Variants in COMMD10 observed in about 807,000 individuals in gnomAD.
COMMD10 encodes COMM domain-containing protein 10.
Under a neutral mutation model 28.9 loss-of-function variants are expected in COMMD10, and 33 were observed. That is an observed-to-expected ratio of 1.14 (90% CI 0.87 to 1.53). The LOEUF (loss-of-function observed/expected upper bound fraction) is 1.53. COMMD10 is among the 40% of genes most tolerant of loss of function. The probability of loss-of-function intolerance (pLI) is 0.00; values close to 1 mark genes in which losing one functional copy is unlikely to be tolerated. For synonymous variants in COMMD10, 110 were observed against 81.7 expected, an observed-to-expected ratio of 1.35 and a Z score of -1.87; for missense variants, 310 against 233.4, an observed-to-expected ratio of 1.33 and a Z score of -2.14.
chr5:116,218,199 C>T (rs1458968950), intron 5 of COMMD10: 4 of 780,906 alleles, frequency 5.1e-6, no homozygotes, highest in Middle Eastern at 2.3e-4. Flanking sequence ...TTTGGAGAAG[C>T]AGGTTTAGCG....
Position 116,238,171 on chromosome 5 carries a change from C to G in COMMD10, c.511-53346C>G, listed in dbSNP as rs150338580. Among the ~76,000 whole-genome samples the G allele has an allele frequency of 8.0e-3, 1,222 of 152,270 alleles. 22 individuals carry two copies. Among genetic ancestry groups the G allele is most frequent in the African/African-American group, 0.028 (1,146 of 41,550 alleles). ...CTACTTCCTGGAAGAAACAATGCTT[C>G]TCAGCAAGATATTTCTTAAAATACC... On this transcript the variant is annotated intron_variant, in intron 5 of 6. Coordinates refer to ENST00000274458, the MANE Select transcript of COMMD10 (RefSeq NM_016144.4).
At position 116,293,035 on chromosome 5, in the gene COMMD10, A is replaced by T. The variant is rs1330324726; in HGVS notation, c.*546A>T. 2 of 397,292 alleles carry T rather than the reference A, an allele frequency of 5.0e-6. No homozygotes were observed. Among genetic ancestry groups the T allele is most frequent in the Non-Finnish European group, 8.9e-6 (2 of 225,274 alleles). The allele number at this position is 397,292 out of a possible 1,614,324, so 24.6% of individuals were successfully genotyped here. On this transcript the variant is annotated 3_prime_UTR_variant, in exon 7 of 7. Coordinates refer to ENST00000274458, the MANE Select transcript of COMMD10 (RefSeq NM_016144.4). ...GAGTAGTATGGTATCAGTTAATTCC[A>T]GTCTGAGCTTCTCTGTCAACTTCAG...
intron 5 of COMMD10, among the ~76,000 whole-genome samples, chr5:116,141,113 G>C (rs1249961019): frequency 6.6e-6 from 1 of 151,456 alleles, no homozygotes; most frequent in African/African-American, 2.4e-5. Flanking sequence ...TTTGTGTATG[G>C]TGTAAAGGTC....
At chr5:116,291,456 G>C in intron 5 of COMMD10, 61 bp from the exon 6 acceptor site, 1 of 1,187,678 alleles carries the variant, frequency 8.4e-7, no homozygotes. Flanking sequence ...TAGCTGGAGA[G>C]AAAAAATGTG....
intron 1 of COMMD10, chr5:116,085,522 G>A (rs933267691): frequency 5.5e-6 from 1 of 181,588 alleles, no homozygotes; most frequent in African/African-American, 2.4e-5. Flanking sequence ...GTCTTTAATA[G>A]CCAACATGTG....
Position 116,172,925 on chromosome 5 carries a change from A to C in COMMD10, c.510+38747A>C, listed in dbSNP as rs547745245. Among the ~76,000 whole-genome samples, 6 of 152,236 alleles carry C rather than the reference A, an allele frequency of 3.9e-5. No homozygotes were observed. In the East Asian group the frequency reaches 1.2e-3, roughly 30 times the overall value. ...ACAATATGAGAGGATGTCTTTAATA[A>C]TTTTATGTAACACAATCAGATCTTT... On this transcript the variant is annotated intron_variant, in intron 5 of 6. Transcript: ENST00000274458.
intron 5 of COMMD10, among the ~76,000 whole-genome samples, chr5:116,284,907 A>G (rs1751177890): frequency 6.6e-6 from 1 of 151,950 alleles, no homozygotes; most frequent in Non-Finnish European, 1.5e-5. Flanking sequence ...CATTTCATAT[A>G]TCTTTGTTGG....
chr5:116,146,193 T>A (rs879909011), intron 5 of COMMD10, among the ~76,000 whole-genome samples: 1 of 151,874 alleles, frequency 6.6e-6, no homozygotes. Context: ...TGGAAACAAG[T>A]GGTCTAATTA....
intron 5 of COMMD10, among the ~76,000 whole-genome samples, chr5:116,179,866 A>G (rs927200580): frequency 6.6e-6 from 1 of 152,066 alleles, no homozygotes; most frequent in Non-Finnish European, 1.5e-5. Context: ...ACTCAAATCT[A>G]CAAGACATTT....
At chr5:116,125,345 A>G (rs1489198372) in intron 4 of COMMD10, among the ~76,000 whole-genome samples, 1 of 152,134 alleles carries the variant, frequency 6.6e-6, no homozygotes, top group African/African-American at 2.4e-5. Context: ...CTGGGTTGAA[A>G]ATTCTTTTCT....
At chr5:116,287,466 G>A (rs531418184) in intron 5 of COMMD10, among the ~76,000 whole-genome samples, 2 of 151,736 alleles carry the variant, frequency 1.3e-5, no homozygotes, top group South Asian at 4.1e-4. Context: ...TATGTGTATT[G>A]TTAGATCTAA....
At chr5:116,145,867 A>T (rs1752334432) in intron 5 of COMMD10, among the ~76,000 whole-genome samples, 1 of 151,880 alleles carries the variant, frequency 6.6e-6, no homozygotes, top group African/African-American at 2.4e-5. Context: ...TTCTGCCATG[A>T]TTGTAAGTTT....
intron 5 of COMMD10, among the ~76,000 whole-genome samples, chr5:116,219,817 A>G (rs1241928213): frequency 6.6e-6 from 1 of 152,196 alleles, no homozygotes; most frequent in Non-Finnish European, 1.5e-5. Context: ...TTTGAATCAT[A>G]TGATGTTTGC....
chr5:116,183,127 G>C (rs758579579), intron 5 of COMMD10, among the ~76,000 whole-genome samples: 1 of 152,030 alleles, frequency 6.6e-6, no homozygotes, highest in African/African-American at 2.4e-5. Context: ...CTAATATAAT[G>C]ATCATAAAGA....
intron 1 of COMMD10, chr5:116,085,398 A>G: frequency 7.3e-6 from 3 of 411,732 alleles, no homozygotes; most frequent in Non-Finnish European, 1.3e-5. Flanking sequence ...TTGGTATCAG[A>G]AGTTCCCGGG....
At chr5:116,198,443 C>G (rs1189304954) in intron 5 of COMMD10, among the ~76,000 whole-genome samples, 3 of 152,100 alleles carry the variant, frequency 2.0e-5, no homozygotes, top group Admixed American at 1.3e-4. Flanking sequence ...TATTCCCTTC[C>G]CCTATGCATG....
At chr5:116,130,126 CTT>C (rs941972120) in intron 4 of COMMD10, among the ~76,000 whole-genome samples, 1 of 151,752 alleles carries the variant, frequency 6.6e-6, no homozygotes, top group Non-Finnish European at 1.5e-5. Flanking sequence ...AGTCATGACT[CTT>C]TTAAAAATTA....
chr5:116,265,953 A>G (rs1264708726), intron 5 of COMMD10, among the ~76,000 whole-genome samples: 2 of 151,804 alleles, frequency 1.3e-5, no homozygotes, highest in African/African-American at 4.9e-5. Flanking sequence ...AAAAACAAAA[A>G]GAAAACAGTA....
At chr5:116,188,974 A>G (rs1748250258) in intron 5 of COMMD10, among the ~76,000 whole-genome samples, 1 of 152,206 alleles carries the variant, frequency 6.6e-6, no homozygotes, top group South Asian at 2.1e-4. Flanking sequence ...GACACATAAT[A>G]TCACTGTGAA....
Sources: gnomAD v4.1 joint callset for allele counts (sites outside exome capture counted in the v4.1 genomes callset) on GRCh38, gnomAD v4.1.1 for gene constraint, MANE v1.5 for transcripts, NCBI Gene and HGNC (gene_info 2026-07-23, HGNC 2026-07-21) for gene names.